The following PEBP4 variants were observed in gnomAD, a reference collection of about 807,000 sequenced individuals.
PEBP4 encodes the protein phosphatidylethanolamine binding protein 4.
A neutral mutation model predicts 23.9 loss-of-function variants in PEBP4; 22 were observed. That is an observed-to-expected ratio of 0.92 (90% CI 0.66 to 1.31). The LOEUF (loss-of-function observed/expected upper bound fraction) is 1.31. PEBP4 is among the 40% of genes most tolerant of loss of function. The probability of loss-of-function intolerance (pLI) is 0.00; values close to 1 mark genes in which losing one functional copy is unlikely to be tolerated. For missense variants in PEBP4, 324 were observed against 281.7 expected (o/e 1.15, Z -1.07); for synonymous variants, 112 against 99.3 (o/e 1.13, Z -0.76).
At chr8:22,876,885 TGA>T (rs1178595796) in intron 3 of PEBP4, among the ~76,000 whole-genome samples, 1 of 152,220 alleles carries the variant, frequency 6.6e-6, no homozygotes, top group African/African-American at 2.4e-5. Flanking sequence ...AACTGCTGTG[TGA>T]GGCTGGACTA....
intron 3 of PEBP4, among the ~76,000 whole-genome samples, chr8:22,867,707 C>A (rs1214536271): frequency 3.9e-5 from 6 of 152,184 alleles, no homozygotes; most frequent in African/African-American, 1.4e-4. Flanking sequence ...AGCTTCTCCG[C>A]AGATTCTGAG....
At chr8:22,759,672 C>A (rs1223014155) in intron 4 of PEBP4, among the ~76,000 whole-genome samples, 1 of 152,174 alleles carries the variant, frequency 6.6e-6, no homozygotes, top group African/African-American at 2.4e-5. Context: ...AAGGGGGTTG[C>A]AATCTTGATT....
intron 2 of PEBP4, 66 bp downstream of exon 2, chr8:22,927,518 C>A: frequency 1.3e-6 from 2 of 1,543,556 alleles, no homozygotes; most frequent in South Asian, 1.2e-5. Flanking sequence ...CTGGATATAC[C>A]CCTCCCTGCC....
intron 4 of PEBP4, among the ~76,000 whole-genome samples, chr8:22,772,633 C>A (rs906304369): frequency 6.6e-6 from 1 of 151,458 alleles, no homozygotes; most frequent in Non-Finnish European, 1.5e-5. Context: ...AGTAGGTATT[C>A]TTATGTACAT....
intron 4 of PEBP4, among the ~76,000 whole-genome samples, chr8:22,772,469 G>A (rs1805734837): frequency 6.6e-6 from 1 of 150,734 alleles, no homozygotes; most frequent in Admixed American, 6.6e-5. Flanking sequence ...TGTGGGGCAG[G>A]GCAGGTATTC....
At position 22,894,530 on chromosome 8, in the gene PEBP4, C is replaced by T. The variant is rs561820246; in HGVS notation, c.258+25654G>A. Among the ~76,000 whole-genome samples the T allele has an allele frequency of 9.9e-5, 15 of 152,218 alleles. No individual in the cohort carries two copies. The East Asian group carries it at 2.7e-3, about 27-fold the overall frequency. On this transcript the variant is annotated intron_variant, in intron 3 of 6. Coordinates refer to ENST00000256404, the MANE Select transcript of PEBP4 (RefSeq NM_144962.3). ...CCAGGAGGTCAAGGCTGCAGTGAAC[C>T]GTAATCATGCCACTGCACTCCAGCT...
chr8:22,927,655 GACC>G lies in PEBP4; in HGVS notation c.57_59del (p.Val20del), dbSNP rs1406143715. 6.2e-7 allele frequency: 1 copy of G among 1,613,942 alleles called. No homozygotes were observed. Among genetic ancestry groups the G allele is most frequent in the Non-Finnish European group, 8.5e-7 (1 of 1,179,888 alleles). On this transcript the variant is annotated inframe_deletion, in exon 2 of 7. Coordinates refer to ENST00000256404, the MANE Select transcript of PEBP4 (RefSeq NM_144962.3). ...GGCTGTTCTCATCCTCGTCTCCAGTGACCACCATCATGAGACCCAGTAACAGTG... is the reference window on the plus strand; with the variant it reads ...GGCTGTTCTCATCCTCGTCTCCAGTGACCATCATGAGACCCAGTAACAGTG...
intron 4 of PEBP4, among the ~76,000 whole-genome samples, chr8:22,808,093 T>A (rs1806540985): frequency 6.6e-6 from 1 of 151,448 alleles, no homozygotes; most frequent in African/African-American, 2.4e-5. Flanking sequence ...CCTCTATCCA[T>A]CCATTCATTC....
intron 3 of PEBP4, among the ~76,000 whole-genome samples, chr8:22,851,081 C>T (rs370931741): frequency 1.3e-5 from 2 of 152,320 alleles, no homozygotes; most frequent in South Asian, 2.1e-4. Context: ...GATCGAGAGG[C>T]GGGGGACCTG....
intron 6 of PEBP4, among the ~76,000 whole-genome samples, chr8:22,717,641 T>G (rs974806371): frequency 6.6e-6 from 1 of 152,198 alleles, no homozygotes; most frequent in Non-Finnish European, 1.5e-5. Flanking sequence ...GGGCGGTCTC[T>G]GTAAGGACAG....
intron 4 of PEBP4, chr8:22,755,681 C>T (rs996583226): frequency 1.3e-5 from 2 of 152,172 alleles, no homozygotes; most frequent in Non-Finnish European, 2.9e-5. Flanking sequence ...ATCATCATCA[C>T]CATCCATTAC....
At chr8:22,894,048 G>A (rs1233130386) in intron 3 of PEBP4, among the ~76,000 whole-genome samples, 1 of 152,152 alleles carries the variant, frequency 6.6e-6, no homozygotes, top group Non-Finnish European at 1.5e-5. Context: ...TGAGAGCACA[G>A]GTTACCATTA....
intron 3 of PEBP4, among the ~76,000 whole-genome samples, chr8:22,833,464 T>G (rs1191378327): frequency 2.0e-5 from 3 of 152,176 alleles, no homozygotes; most frequent in Admixed American, 2.0e-4. Flanking sequence ...CCCGAGTAGC[T>G]GGGATTACAG....
chr8:22,814,172 G>A (rs1806691753), intron 4 of PEBP4, among the ~76,000 whole-genome samples: 1 of 152,224 alleles, frequency 6.6e-6, no homozygotes, highest in Admixed American at 6.5e-5. Flanking sequence ...CAGCTTACGA[G>A]TGAGTATATT....
At chr8:22,788,378 T>G (rs977674353) in intron 4 of PEBP4, among the ~76,000 whole-genome samples, 4 of 152,126 alleles carry the variant, frequency 2.6e-5, no homozygotes, top group African/African-American at 9.7e-5. Flanking sequence ...AGCCTGCTCT[T>G]AGGCGGAAGC....
At chr8:22,742,863 C>T (rs1041487843) in intron 4 of PEBP4, among the ~76,000 whole-genome samples, 4 of 152,198 alleles carry the variant, frequency 2.6e-5, no homozygotes, top group South Asian at 2.1e-4. Context: ...GTGCCAAGTG[C>T]GGTGTCCCTG....
chr8:22,908,833 T>C (rs930866274), intron 3 of PEBP4, among the ~76,000 whole-genome samples: 1 of 152,236 alleles, frequency 6.6e-6, no homozygotes, highest in African/African-American at 2.4e-5. Context: ...GCACGCTCAG[T>C]GCTGGGCCTT....
chr8:22,756,479 A>C (rs1033868314), intron 4 of PEBP4, among the ~76,000 whole-genome samples: 9 of 152,208 alleles, frequency 5.9e-5, no homozygotes, highest in Non-Finnish European at 8.8e-5. Flanking sequence ...TGCTGGATGC[A>C]TCTCTCCGCT....
At chr8:22,754,561 C>A (rs1805336083) in intron 4 of PEBP4, among the ~76,000 whole-genome samples, 1 of 152,194 alleles carries the variant, frequency 6.6e-6, no homozygotes, top group Non-Finnish European at 1.5e-5. Context: ...AGTGAGAGAG[C>A]CTTTTGCTCT....
Sources: gnomAD v4.1 joint callset for allele counts (sites outside exome capture counted in the v4.1 genomes callset) on GRCh38, gnomAD v4.1.1 for gene constraint, MANE v1.5 for transcripts, NCBI Gene and HGNC (gene_info 2026-07-23, HGNC 2026-07-21) for gene names.